The following FRMD4A variants were observed in gnomAD, a reference collection of about 807,000 sequenced individuals.
FRMD4A encodes FERM domain containing 4A, also known as FERM domain-containing protein 4A.
A neutral mutation model predicts 129.1 loss-of-function variants in FRMD4A; 29 were observed. That is an observed-to-expected ratio of 0.22 (90% confidence interval 0.17 to 0.31). The LOEUF is 0.31. Among genes scored for constraint, FRMD4A ranks in the 10% least tolerant of loss-of-function variants. FRMD4A has a pLI of 1.00. For missense variants in FRMD4A, 1,272 were observed against 1,375.8 expected, an observed-to-expected ratio of 0.92 and a Z score of 1.19; for synonymous variants, 634 against 571.6, an observed-to-expected ratio of 1.11 and a Z score of -1.56.
chr10:14,288,713 C>T (rs1845759661), intron 2 of FRMD4A, among the ~76,000 whole-genome samples: 1 of 151,970 alleles, frequency 6.6e-6, no homozygotes, highest in Non-Finnish European at 1.5e-5. Context: ...CAGTGTTATA[C>T]AGCATATCTC....
intron 3 of FRMD4A, among the ~76,000 whole-genome samples, chr10:13,833,080 C>T (rs920464597): frequency 3.9e-5 from 6 of 152,168 alleles, no homozygotes; most frequent in Middle Eastern, 3.2e-3. Context: ...AGCACCCACT[C>T]GTGCTGGGTA....
intron 9 of FRMD4A, among the ~76,000 whole-genome samples, chr10:13,744,877 G>T (rs1291358988): frequency 1.3e-5 from 2 of 152,198 alleles, no homozygotes; most frequent in African/African-American, 4.8e-5. Flanking sequence ...TCTTCATTCT[G>T]TATCTGTAGG....
chr10:13,836,628 T>A (rs2093878022), intron 3 of FRMD4A, among the ~76,000 whole-genome samples: 1 of 151,978 alleles, frequency 6.6e-6, no homozygotes, highest in African/African-American at 2.4e-5. Context: ...TCCTTGTTCC[T>A]CCACAACTGA....
At chr10:13,728,570 A>ATTTTTTTTTTTTTT (rs1386167455) in intron 12 of FRMD4A, among the ~76,000 whole-genome samples, 2 of 28,664 alleles carry the variant, frequency 7.0e-5, no homozygotes, top group South Asian at 2.0e-3. Context: ...GGTGATTACC[A>ATTTTTTTTTTTTTT]TTCTTTTTTT....
intron 2 of FRMD4A, among the ~76,000 whole-genome samples, chr10:14,030,868 A>AG (rs1235485003): frequency 5.3e-5 from 8 of 152,238 alleles, no homozygotes; most frequent in South Asian, 2.1e-4. Flanking sequence ...ATGAGTACAA[A>AG]GCCTCTATTC....
At chr10:13,888,107 A>C (rs1440304067) in intron 2 of FRMD4A, among the ~76,000 whole-genome samples, 1 of 152,188 alleles carries the variant, frequency 6.6e-6, no homozygotes, top group East Asian at 1.9e-4. Flanking sequence ...CTGGAGATGA[A>C]ATTTTCTGGG....
At chr10:13,781,859 C>T (rs1228306210) in intron 6 of FRMD4A, among the ~76,000 whole-genome samples, 1 of 152,038 alleles carries the variant, frequency 6.6e-6, no homozygotes. Flanking sequence ...TACAGAGTTT[C>T]AGTTTAGCAG....
At chr10:13,854,075 C>G (rs767277962) in intron 3 of FRMD4A, among the ~76,000 whole-genome samples, 2 of 152,058 alleles carry the variant, frequency 1.3e-5, no homozygotes, top group Non-Finnish European at 2.9e-5. Context: ...AAAATCCACT[C>G]TATTTTTATG....
intron 3 of FRMD4A, among the ~76,000 whole-genome samples, chr10:13,828,535 C>CTTTCTTTTT (rs1554923864): frequency 9.6e-5 from 13 of 135,230 alleles, no homozygotes; most frequent in Admixed American, 2.3e-4. Flanking sequence ...TTCTTTCTTT[C>CTTTCTTTTT]TTTTTTTTTT....
chr10:14,330,832 G>A lies in FRMD4A; in HGVS notation c.-317C>T, dbSNP rs1247519162. 2.5e-6 allele frequency: 1 copy of A among 398,582 alleles called. No homozygotes were observed. The highest frequency in any genetic ancestry group is 2.1e-5 in the African/African-American group (1 of 48,608). 24.7% of individuals were successfully genotyped at this position (398,582 alleles called of 1,614,324 possible). On this transcript the variant is annotated 5_prime_UTR_variant, in exon 1 of 25. Transcript: ENST00000357447. ...ACTGGCCAGCTCAGCTCCCGGTAGG[G>A]CTAACATACTTAAGAGGAACATGGA...
chr10:14,276,912 T>C (rs1845362035), intron 2 of FRMD4A, among the ~76,000 whole-genome samples: 1 of 152,234 alleles, frequency 6.6e-6, no homozygotes. Flanking sequence ...TCTGCCAGGC[T>C]GGAGTGCAGT....
intron 2 of FRMD4A, among the ~76,000 whole-genome samples, chr10:14,113,168 T>C (rs1838013849): frequency 3.3e-5 from 5 of 152,230 alleles, no homozygotes; most frequent in Admixed American, 3.3e-4. Flanking sequence ...AAAATAGATA[T>C]ACATAGATAC....
chr10:14,287,137 C>A (rs1013477123), intron 2 of FRMD4A, among the ~76,000 whole-genome samples: 55 of 107,110 alleles, frequency 5.1e-4, no homozygotes, highest in African/African-American at 2.3e-3. Flanking sequence ...CTTTGACAGG[C>A]CCCCCGCTCC....
rs371935895 is a variant in FRMD4A at position 13,880,926 on chromosome 10, C to T, written c.46-22014G>A. ...TGTGGATTGTCTGCCCCTTCCTCTT[C>T]GAATGCAAGCTCCCCAGGGGCAAGA... On this transcript the variant is annotated intron_variant, in intron 2 of 24. Transcript: ENST00000357447. Among the ~76,000 whole-genome samples, 36 of 152,134 alleles carry T rather than the reference C, an allele frequency of 2.4e-4. No homozygotes were observed. In the East Asian group the frequency reaches 3.5e-3, roughly 15 times the overall value.
At chr10:13,740,848 A>G (rs2090957297) in intron 9 of FRMD4A, among the ~76,000 whole-genome samples, 3 of 56,136 alleles carry the variant, frequency 5.3e-5, no homozygotes, top group African/African-American at 1.1e-4. Flanking sequence ...TTTTTTTGAG[A>G]CGGAGTCTTG....
chr10:14,129,174 A>G (rs1230887378), intron 2 of FRMD4A, among the ~76,000 whole-genome samples: 1 of 151,682 alleles, frequency 6.6e-6, no homozygotes, highest in Admixed American at 6.6e-5. Flanking sequence ...AATAGCCTCT[A>G]ATCATTCTGT....
intron 2 of FRMD4A, chr10:13,890,760 G>T: frequency 1.0e-6 from 1 of 985,370 alleles, no homozygotes; most frequent in Non-Finnish European, 1.2e-6. Context: ...TGCGGGCATT[G>T]GTTCTCGTTT....
chr10:14,008,532 G>A (rs889538228), intron 2 of FRMD4A: 8 of 989,926 alleles, frequency 8.1e-6, no homozygotes, highest in African/African-American at 1.7e-5. Flanking sequence ...CGTGGCTGCA[G>A]ATGGTAATCA....
At chr10:14,127,581 C>A in intron 2 of FRMD4A, among the ~76,000 whole-genome samples, 1 of 152,104 alleles carries the variant, frequency 6.6e-6, no homozygotes, top group East Asian at 1.9e-4. Context: ...CTCAGTTTTC[C>A]CATCTGAAAA....
Sources: allele counts gnomAD v4.1 joint callset (sites outside exome capture counted in the v4.1 genomes callset), GRCh38; gene constraint gnomAD v4.1.1; transcripts MANE v1.5; gene names NCBI Gene and HGNC (gene_info 2026-07-23, HGNC 2026-07-21).